The following MALRD1 variants were observed in gnomAD, a reference collection of about 807,000 sequenced individuals.
MALRD1 encodes MAM and LDL receptor class A domain containing 1.
A neutral mutation model predicts 242.1 loss-of-function variants in MALRD1; 247 were observed. The observed-to-expected ratio is 1.02, with a 90% CI of 0.92 to 1.13. The LOEUF (loss-of-function observed/expected upper bound fraction) is 1.13, where lower values mean the gene tolerates loss of function less well. Among genes scored for constraint, MALRD1 ranks in the 50% most tolerant of loss-of-function variants. The pLI is 0.00. For synonymous variants in MALRD1, 995 were observed against 866.6 expected (o/e 1.15, Z -2.60); for missense variants, 2,989 against 2,533.1 (o/e 1.18, Z -3.86).
chr10:19,146,236 G>A lies in MALRD1; in HGVS notation c.1450G>A (p.Gly484Ser), dbSNP rs377420386. The change falls in exon 11 of 40, where the codon GGT (glycine) becomes AGT (serine). Residue 484 changes from glycine to serine, a missense_variant. Physicochemically the swap from Gly to Ser is moderately conservative, Grantham distance 56. Coordinates refer to ENST00000454679, the MANE Select transcript of MALRD1 (RefSeq NM_001142308.3). The part of the protein sequence containing the change: ...LTCDFESGFC[G>S]WEPFLTEDSH... ...CTGTGACTTTGAGTCGGGTTTCTGC[G>A]GTTGGGAGCCATTTCTCACAGAAGA... The A allele has an allele frequency of 6.4e-5, 79 of 1,231,614 alleles. No individual in the cohort carries two copies. In the South Asian group the frequency reaches 2.3e-3, roughly 35 times the overall value. 76.3% of individuals were successfully genotyped at this position (1,231,614 alleles called of 1,614,324 possible).
At chr10:19,328,286 A>G (rs538056794) in intron 23 of MALRD1, among the ~76,000 whole-genome samples, 42 of 152,286 alleles carry the variant, frequency 2.8e-4, no homozygotes, top group Middle Eastern at 3.4e-3. Flanking sequence ...ATGGATTACC[A>G]AGAAAGCAAG....
chr10:19,279,593 C>T (rs375649288), intron 19 of MALRD1, among the ~76,000 whole-genome samples: 1 of 152,066 alleles, frequency 6.6e-6, no homozygotes, highest in African/African-American at 2.4e-5. Flanking sequence ...TTTCCTGAAA[C>T]CTTGAATTTT....
intron 31 of MALRD1, among the ~76,000 whole-genome samples, chr10:19,516,255 G>C (rs927487120): frequency 2.0e-5 from 3 of 152,006 alleles, no homozygotes; most frequent in Non-Finnish European, 4.4e-5. Flanking sequence ...TTCTATCTTA[G>C]AGTTTAAGGA....
chr10:19,701,528 T>C (rs1833626730), intron 38 of MALRD1, among the ~76,000 whole-genome samples: 2 of 152,054 alleles, frequency 1.3e-5, no homozygotes, highest in African/African-American at 4.8e-5. Flanking sequence ...GAATACACCC[T>C]GGACGAAGGG....
At chr10:19,733,278 G>A (rs1428264721) in intron 39 of MALRD1, among the ~76,000 whole-genome samples, 1 of 152,136 alleles carries the variant, frequency 6.6e-6, no homozygotes, top group African/African-American at 2.4e-5. Context: ...TCAACCCATG[G>A]TCATTGTTGT....
chr10:19,192,876 C>T (rs1836056823), intron 14 of MALRD1, among the ~76,000 whole-genome samples: 1 of 152,168 alleles, frequency 6.6e-6, no homozygotes, highest in African/African-American at 2.4e-5. Flanking sequence ...CTTCTGGTTT[C>T]TATTGCATCT....
chr10:19,350,547 G>T (rs1239322337), intron 25 of MALRD1, among the ~76,000 whole-genome samples: 1 of 152,002 alleles, frequency 6.6e-6, no homozygotes, highest in Admixed American at 6.6e-5. Context: ...AAAGTGAGGG[G>T]ATTACAGGTG....
intron 19 of MALRD1, among the ~76,000 whole-genome samples, chr10:19,269,569 G>A (rs538588638): frequency 3.1e-4 from 47 of 152,294 alleles, no homozygotes; most frequent in African/African-American, 1.0e-3. Flanking sequence ...ATGAAGAACC[G>A]GCCTGACCAT....
chr10:19,512,783 A>G (rs755852305), intron 31 of MALRD1, among the ~76,000 whole-genome samples: 2 of 152,196 alleles, frequency 1.3e-5, no homozygotes, highest in Non-Finnish European at 2.9e-5. Flanking sequence ...AAAAATGCTT[A>G]CAAACCATTT....
At chr10:19,351,035 G>A (rs1844353320) in intron 25 of MALRD1, among the ~76,000 whole-genome samples, 1 of 152,176 alleles carries the variant, frequency 6.6e-6, no homozygotes, top group African/African-American at 2.4e-5. Context: ...GTTGGGAGAT[G>A]GGTAGAGTCA....
At chr10:19,714,656 A>G (rs980322690) in intron 38 of MALRD1, among the ~76,000 whole-genome samples, 33 of 152,152 alleles carry the variant, frequency 2.2e-4, no homozygotes, top group African/African-American at 8.0e-4. Flanking sequence ...CCCTCCCCGT[A>G]TCAATGTGAC....
chr10:19,512,052 TA>T (rs1171653754), intron 31 of MALRD1, among the ~76,000 whole-genome samples: 1 of 152,034 alleles, frequency 6.6e-6, no homozygotes, highest in Non-Finnish European at 1.5e-5. Flanking sequence ...CTGAAGGTTA[TA>T]AAGTTTTGCT....
chr10:19,371,034 G>C (rs781435386), intron 26 of MALRD1, among the ~76,000 whole-genome samples: 98 of 149,058 alleles, frequency 6.6e-4, no homozygotes, highest in Non-Finnish European at 9.9e-4. Context: ...ATTTTTAAGA[G>C]GTGGTAGGAG....
chr10:19,358,431 G>A (rs1189621342), intron 26 of MALRD1, among the ~76,000 whole-genome samples: 1 of 152,122 alleles, frequency 6.6e-6, no homozygotes, highest in Non-Finnish European at 1.5e-5. Flanking sequence ...TGCTGGTGTA[G>A]CAACTCAGTC....
chr10:19,650,836 T>C (rs1179178897), intron 36 of MALRD1, among the ~76,000 whole-genome samples: 2 of 152,136 alleles, frequency 1.3e-5, no homozygotes, highest in African/African-American at 4.8e-5. Context: ...TTGTCTCCTA[T>C]TAGGTTTAGT....
chr10:19,453,519 TCAATAAAA>T (rs1363464899), intron 29 of MALRD1, among the ~76,000 whole-genome samples: 4 of 152,134 alleles, frequency 2.6e-5, no homozygotes, highest in Non-Finnish European at 5.9e-5. Flanking sequence ...AAATTATAAA[TCAATAAAA>T]CTTTTTAAAT....
intron 1 of MALRD1, among the ~76,000 whole-genome samples, chr10:19,055,716 A>G (rs755381693): frequency 5.9e-5 from 9 of 152,142 alleles, no homozygotes; most frequent in African/African-American, 1.7e-4. Context: ...TTGACCATCA[A>G]TGTGTGGGTT....
intron 38 of MALRD1, among the ~76,000 whole-genome samples, chr10:19,718,374 A>G (rs1473260325): frequency 1.3e-5 from 2 of 152,126 alleles, no homozygotes; most frequent in Non-Finnish European, 2.9e-5. Flanking sequence ...GGGAGCTTTT[A>G]CTAATGGCAG....
At chr10:19,258,536 C>T (rs1255246464) in intron 19 of MALRD1, among the ~76,000 whole-genome samples, 1 of 152,102 alleles carries the variant, frequency 6.6e-6, no homozygotes, top group East Asian at 1.9e-4. Flanking sequence ...TCTCAATTGC[C>T]GAAAACGTAA....
Sources: gnomAD v4.1 joint callset for allele counts (sites outside exome capture counted in the v4.1 genomes callset) on GRCh38, gnomAD v4.1.1 for gene constraint, MANE v1.5 for transcripts, NCBI Gene and HGNC (gene_info 2026-07-23, HGNC 2026-07-21) for gene names.